Variants in PHACTR1 observed in about 807,000 individuals in gnomAD.
PHACTR1 encodes the protein RPEL repeat containing 1.
Under a neutral mutation model 69.2 loss-of-function variants are expected in PHACTR1, and 16 were observed. The observed-to-expected ratio is 0.23, with a 90% CI of 0.16 to 0.35. The LOEUF (loss-of-function observed/expected upper bound fraction) is 0.35. Among genes scored for constraint, PHACTR1 ranks in the 10% least tolerant of loss-of-function variants. The pLI, the probability that PHACTR1 is intolerant of heterozygous loss-of-function variation, is 1.00. For missense variants in PHACTR1, 510 were observed against 734.7 expected, an observed-to-expected ratio of 0.69 and a Z score of 3.54; for synonymous variants, 312 against 284.5, an observed-to-expected ratio of 1.10 and a Z score of -0.97.
intron 4 of PHACTR1, among the ~76,000 whole-genome samples, chr6:12,928,928 G>A (rs1375813028): frequency 6.6e-6 from 1 of 152,204 alleles, no homozygotes; most frequent in African/African-American, 2.4e-5. Flanking sequence ...TCAGGAAAAA[G>A]CTCCTTAAAT....
At chr6:12,810,950 C>T (rs557460159) in intron 4 of PHACTR1, among the ~76,000 whole-genome samples, 187 of 152,298 alleles carry the variant, frequency 1.2e-3, no homozygotes, top group African/African-American at 4.1e-3. Context: ...GGGAGCAGTC[C>T]GTTTCTTCAT....
intron 5 of PHACTR1, among the ~76,000 whole-genome samples, chr6:13,089,134 A>G (rs1812790981): frequency 6.6e-6 from 1 of 152,120 alleles, no homozygotes; most frequent in Non-Finnish European, 1.5e-5. Context: ...CAAGATTACA[A>G]ACACAGTCCC....
intron 5 of PHACTR1, among the ~76,000 whole-genome samples, chr6:13,149,978 G>A (rs1365270118): frequency 6.6e-6 from 1 of 152,078 alleles, no homozygotes; most frequent in African/African-American, 2.4e-5. Context: ...TGGATTTTTA[G>A]AGAGGAAAAA....
chr6:13,269,839 AAAG>A (rs1777383237), intron 10 of PHACTR1, among the ~76,000 whole-genome samples: 1 of 152,222 alleles, frequency 6.6e-6, no homozygotes, highest in Admixed American at 6.5e-5. Flanking sequence ...TGTCTCAAAA[AAAG>A]AAAAAAACAA....
Position 12,819,478 on chromosome 6 carries a change from G to T in PHACTR1, c.250+69688G>T, listed in dbSNP as rs185745070. On this transcript the variant is annotated intron_variant, in intron 4 of 14. Coordinates refer to ENST00000332995, the MANE Select transcript of PHACTR1 (RefSeq NM_030948.6). Reference sequence around the variant, plus strand: ...GATAACATCACACTTCACGCAGTAAGGTAGGAGTTAGGAAAAGCCGGGGGT... The same window carrying T: ...GATAACATCACACTTCACGCAGTAATGTAGGAGTTAGGAAAAGCCGGGGGT... 4.0e-3 allele frequency among the ~76,000 whole-genome samples: 603 copies of T among 152,214 alleles called. 4 individuals are homozygous for T. Among genetic ancestry groups the T allele is most frequent in the African/African-American group, 0.014 (583 of 41,530 alleles).
intron 4 of PHACTR1, among the ~76,000 whole-genome samples, chr6:12,985,538 AAAAATAT>A (rs1562094870): frequency 1.5e-5 from 2 of 134,872 alleles, no homozygotes; most frequent in African/African-American, 6.0e-5. Flanking sequence ...TAAAAAAAAA[AAAAATAT>A]ATATATATAT....
Position 13,283,462 on chromosome 6 carries a change from A to C in PHACTR1, c.1550A>C (p.Lys517Thr). 1 of 1,613,904 alleles carries C rather than the reference A, an allele frequency of 6.2e-7. No individual in the cohort carries two copies. The highest frequency in any genetic ancestry group is 1.1e-5 in the South Asian group (1 of 91,074). The stretch of plus-strand genomic sequence containing the variant: ...ACGGTGGAAGAGCTTCGGGAAAGAA[A>C]GATCCTCATCCGCTTCAGTGACTAC... ...RPTVEELRER[K>T]ILIRFSDYVE... Residue 517 changes from lysine to threonine, a missense_variant, in exon 13 of 15, where the codon AAG (lysine) becomes ACG (threonine). Physicochemically the swap from Lys to Thr is moderately conservative, Grantham distance 78. This residue lies in a region of PHACTR1 where 91 missense variants were observed against 203.8 expected (regional missense o/e 0.45). Coordinates refer to ENST00000332995, the MANE Select transcript of PHACTR1 (RefSeq NM_030948.6). The surrounding 1 kb of genome is among the most constrained non-coding windows in gnomAD (Gnocchi z 4.7).
At chr6:13,269,604 G>A (rs1777337465) in intron 10 of PHACTR1, among the ~76,000 whole-genome samples, 1 of 152,186 alleles carries the variant, frequency 6.6e-6, no homozygotes. Context: ...GCTGAAGCAG[G>A]TGGATCACCT....
intron 11 of PHACTR1, among the ~76,000 whole-genome samples, chr6:13,277,764 A>G (rs1210888646): frequency 2.0e-5 from 3 of 152,148 alleles, no homozygotes; most frequent in Non-Finnish European, 4.4e-5. Flanking sequence ...CCTGAACAAC[A>G]TCATGAGACC....
chr6:13,063,738 C>G (rs1808056082), intron 5 of PHACTR1, among the ~76,000 whole-genome samples: 1 of 151,298 alleles, frequency 6.6e-6, no homozygotes, highest in Non-Finnish European at 1.5e-5. Flanking sequence ...CATGTTTGCA[C>G]TACTGTACTC....
At chr6:13,130,274 GAAAAAC>G (rs1189511208) in intron 5 of PHACTR1, among the ~76,000 whole-genome samples, 18 of 150,864 alleles carry the variant, frequency 1.2e-4, no homozygotes, top group African/African-American at 2.9e-4. Context: ...AAATCCAGCA[GAAAAAC>G]AAAAACAAAA....
intron 10 of PHACTR1, among the ~76,000 whole-genome samples, chr6:13,261,169 T>C (rs1015271834): frequency 8.5e-5 from 13 of 152,224 alleles, no homozygotes; most frequent in African/African-American, 3.1e-4. Context: ...ACCTCGAGCC[T>C]GGACCACCCT....
chr6:12,925,485 A>G (rs1236478699), intron 4 of PHACTR1, among the ~76,000 whole-genome samples: 3 of 152,218 alleles, frequency 2.0e-5, no homozygotes, highest in Non-Finnish European at 4.4e-5. Context: ...CTAAGAGAAT[A>G]CCTTCTATAT....
chr6:13,240,489 G>C (rs1458340673), intron 10 of PHACTR1, among the ~76,000 whole-genome samples: 1 of 151,944 alleles, frequency 6.6e-6, no homozygotes, highest in East Asian at 1.9e-4. Context: ...TTGTTGCCCA[G>C]GCTGGAGTGC....
chr6:13,209,843 C>T (rs1057441613), intron 8 of PHACTR1, among the ~76,000 whole-genome samples: 10 of 152,166 alleles, frequency 6.6e-5, no homozygotes, highest in African/African-American at 1.9e-4. Context: ...TGCCCCTTCC[C>T]GATCTTATTT....
At chr6:13,113,793 G>A (rs1399021124) in intron 5 of PHACTR1, among the ~76,000 whole-genome samples, 1 of 152,142 alleles carries the variant, frequency 6.6e-6, no homozygotes, top group African/African-American at 2.4e-5. Context: ...TTACAATTAT[G>A]AGGACTGGAA....
rs543332793 is a variant in PHACTR1 at position 12,957,642 on chromosome 6, A to G, written c.251-95723A>G. On this transcript the variant is annotated intron_variant, in intron 4 of 14. Transcript: ENST00000332995. Reference sequence around the variant, plus strand: ...CCAGGAGGGGTTGGTGTGCCTGCCAACTGTTCTGGGCTCTGAGTGAGGCTG... The same window carrying G: ...CCAGGAGGGGTTGGTGTGCCTGCCAGCTGTTCTGGGCTCTGAGTGAGGCTG... The G allele has an allele frequency of 5.8e-5, 57 of 985,622 alleles. No homozygotes were observed. In the African/African-American group the frequency reaches 9.2e-4, roughly 16 times the overall value. The allele number at this position is 985,622 out of a possible 1,614,324, so 61.1% of individuals were successfully genotyped here.
At chr6:13,198,160 C>T (rs1035754788) in intron 7 of PHACTR1, among the ~76,000 whole-genome samples, 1 of 152,180 alleles carries the variant, frequency 6.6e-6, no homozygotes, top group Non-Finnish European at 1.5e-5. Flanking sequence ...TTAGTTCATT[C>T]TAGCAGGTAA....
At chr6:13,123,320 C>G (rs569303925) in intron 5 of PHACTR1, among the ~76,000 whole-genome samples, 10 of 152,238 alleles carry the variant, frequency 6.6e-5, no homozygotes, top group African/African-American at 2.4e-4. Flanking sequence ...GAGGGAATCT[C>G]CAAATCTGTA....
Sources: allele counts gnomAD v4.1 joint callset (sites outside exome capture counted in the v4.1 genomes callset), GRCh38; gene constraint gnomAD v4.1.1; regional missense constraint gnomAD v4.1.1; non-coding constraint Gnocchi (gnomAD v3.1); transcripts MANE v1.5; gene names NCBI Gene and HGNC (gene_info 2026-07-23, HGNC 2026-07-21).